LRP5: variants seen among roughly 807,000 people sequenced by gnomAD.
LRP5 encodes LDL receptor related protein 5.
Under a neutral mutation model 154.1 loss-of-function variants are expected in LRP5, and 62 were observed. That is an observed-to-expected ratio of 0.40 (90% confidence interval 0.33 to 0.50). The LOEUF (loss-of-function observed/expected upper bound fraction) is 0.50. Among genes scored for constraint, LRP5 ranks in the 20% least tolerant of loss-of-function variants. The pLI is 0.55. For synonymous variants in LRP5, 966 were observed against 1,011.5 expected (o/e 0.96, Z 0.85); for missense variants, 1,915 against 2,336.7 (o/e 0.82, Z 3.72).
chr11:68,361,753 T>C (rs1293556309), intron 3 of LRP5, among the ~76,000 whole-genome samples: 1 of 150,840 alleles, frequency 6.6e-6, no homozygotes, highest in Non-Finnish European at 1.5e-5. Flanking sequence ...GCTTAGGAGA[T>C]TGAGGCTGCA....
chr11:68,316,034 CAAGTTAT>C (rs549973250), intron 1 of LRP5, among the ~76,000 whole-genome samples: 131 of 151,958 alleles, frequency 8.6e-4, no homozygotes, highest in African/African-American at 3.1e-3. Context: ...TCTCTTCTAT[CAAGTTAT>C]AAGAGATTTC....
intron 1 of LRP5, among the ~76,000 whole-genome samples, chr11:68,347,131 C>T (rs909886566): frequency 6.6e-6 from 1 of 152,166 alleles, no homozygotes; most frequent in Non-Finnish European, 1.5e-5. Context: ...CCTTGGAGGC[C>T]AGGCTAGGGG....
intron 17 of LRP5, 44 bp downstream of exon 17, chr11:68,429,744 C>G: frequency 6.2e-7 from 1 of 1,612,942 alleles, no homozygotes; most frequent in Non-Finnish European, 8.5e-7. Flanking sequence ...GGACAGGTAC[C>G]TGATTCTCTG....
At chr11:68,298,853 A>T in the LRP5 span, among the ~76,000 whole-genome samples, 1 of 151,992 alleles carries the variant, frequency 6.6e-6, no homozygotes, top group African/African-American at 2.4e-5. Context: ...ACCTTTGATG[A>T]CTTCCTTTCC....
chr11:68,309,449 G>A, upstream of LRP5, among the ~76,000 whole-genome samples: 1 of 151,520 alleles, frequency 6.6e-6, no homozygotes, highest in Admixed American at 6.6e-5. Context: ...TGCCTAGGCT[G>A]GTCTTGAACT....
Position 68,312,741 on chromosome 11 carries a change from G to A in LRP5, c.27G>A (p.Pro9=), listed in dbSNP as rs995067401. 7 of 1,063,746 alleles carry A rather than the reference G, an allele frequency of 6.6e-6. No homozygotes were observed. The African/African-American group carries it at 7.1e-5, about 11-fold the overall frequency. The allele number at this position is 1,063,746 out of a possible 1,614,324, so 65.9% of individuals were successfully genotyped here. Reference sequence around the variant, plus strand: ...TGGAGGCAGCGCCGCCCGGGCCGCCGTGGCCGCTGCTGCTGCTGCTGCTGC... The same window carrying A: ...TGGAGGCAGCGCCGCCCGGGCCGCCATGGCCGCTGCTGCTGCTGCTGCTGC... MEAAPPGP[P]WPLLLLLLLL... Residue 9 remains proline (P), a synonymous_variant, in exon 1 of 23, where the codon CCG becomes CCA. Coordinates refer to ENST00000294304, the MANE Select transcript of LRP5 (RefSeq NM_002335.4).
chr11:68,402,916 G>C (rs1226055592), intron 7 of LRP5, among the ~76,000 whole-genome samples: 1 of 152,194 alleles, frequency 6.6e-6, no homozygotes, highest in Non-Finnish European at 1.5e-5. Context: ...AGCTGGCCCT[G>C]TCACTGCTCT....
At position 68,386,554 on chromosome 11, in the gene LRP5, C is replaced by T. The variant is rs769705901; in HGVS notation, c.1254C>T (p.Pro418=). 9.3e-6 allele frequency: 15 copies of T among 1,613,932 alleles called. No individual in the cohort carries two copies. Among genetic ancestry groups the T allele is most frequent in the Admixed American group, 5.0e-5 (3 of 60,022 alleles). ...TGGTCAACACCGAGATCAACGACCC[C>T]GATGGCATCGCGGTCGACTGGGTGG... ...QTLVNTEIND[P]DGIAVDWVAR... The change falls in exon 6 of 23, where the codon CCC becomes CCT. Residue 418 remains proline (P), a synonymous_variant. Transcript: ENST00000294304. This position sits in a 1 kb window ranked among gnomAD's most constrained non-coding sequence, Gnocchi z 7.9.
chr11:68,440,745 T>A (rs777404234), intron 21 of LRP5, among the ~76,000 whole-genome samples: 1 of 152,090 alleles, frequency 6.6e-6, no homozygotes, highest in Non-Finnish European at 1.5e-5. Flanking sequence ...CCCTCACATC[T>A]GGGGTCTTGT....
rs377258285 is a variant in LRP5 at position 68,425,202 on chromosome 11, C to T, written c.3337C>T (p.Arg1113Cys). ...GGTCCTCTTCACCACCGGCCTCATCCGCCCTGTGGCCCTGGTGGTGGACAA... is the reference window on the plus strand; with the variant it reads ...GGTCCTCTTCACCACCGGCCTCATCTGCCCTGTGGCCCTGGTGGTGGACAA... The part of the protein sequence containing the change: ...REVLFTTGLI[R>C]PVALVVDNTL... Residue 1113 changes from arginine (R) to cysteine (C), a missense_variant, in exon 15 of 23, where the codon CGC becomes TGC. Around this residue, in one of 3 missense-constraint regions of LRP5, gnomAD observed 1,094 missense variants for 1,210.1 expected, o/e 0.90. Coordinates refer to ENST00000294304, the MANE Select transcript of LRP5 (RefSeq NM_002335.4). The T allele has an allele frequency of 9.1e-5, 147 of 1,613,458 alleles. No homozygotes were observed. The highest frequency in any genetic ancestry group is 1.1e-4 in the East Asian group (5 of 44,894).
chr11:68,422,804 G>A (rs1378601131), intron 13 of LRP5, among the ~76,000 whole-genome samples: 7 of 115,664 alleles, frequency 6.1e-5, no homozygotes, highest in African/African-American at 1.3e-4. Flanking sequence ...CCCTTTACCC[G>A]CACCTTCCCT....
chr11:68,341,643 G>C (rs746752834), intron 1 of LRP5, among the ~76,000 whole-genome samples: 1 of 152,014 alleles, frequency 6.6e-6, no homozygotes, highest in African/African-American at 2.4e-5. Flanking sequence ...ACCAGCACCC[G>C]CCATGCTACC....
At chr11:68,299,371 T>C in the LRP5 span, among the ~76,000 whole-genome samples, 2 of 152,114 alleles carry the variant, frequency 1.3e-5, no homozygotes, top group African/African-American at 4.8e-5. Flanking sequence ...CCCAGCGTGC[T>C]GAAGGCTGCA....
intron 5 of LRP5, among the ~76,000 whole-genome samples, chr11:68,379,919 G>A (rs150981674): frequency 0.022 from 3,314 of 152,254 alleles, 124 homozygotes; most frequent in African/African-American, 0.076. Context: ...ATCACCTGAG[G>A]TCAGGAGTTC....
At chr11:68,374,179 C>T (rs1284216771) in intron 5 of LRP5, among the ~76,000 whole-genome samples, 1 of 152,214 alleles carries the variant, frequency 6.6e-6, no homozygotes, top group Admixed American at 6.5e-5. Flanking sequence ...GTCTGACGGG[C>T]AGACTGACAG....
At chr11:68,377,160 T>C (rs1372976911) in intron 5 of LRP5, among the ~76,000 whole-genome samples, 1 of 151,590 alleles carries the variant, frequency 6.6e-6, no homozygotes, top group African/African-American at 2.4e-5. Flanking sequence ...TGGTGGGGCA[T>C]GGGGGCAGAG....
At chr11:68,395,860 C>G (rs2098649042) in intron 7 of LRP5, among the ~76,000 whole-genome samples, 2 of 152,156 alleles carry the variant, frequency 1.3e-5, no homozygotes, top group African/African-American at 4.8e-5. Context: ...CAAGTGGCCA[C>G]CGCTCTTGGG....
intron 5 of LRP5, among the ~76,000 whole-genome samples, chr11:68,369,274 G>A (rs1490163023): frequency 2.0e-5 from 3 of 152,178 alleles, no homozygotes; most frequent in Admixed American, 1.3e-4. Flanking sequence ...GAGCTGGCTT[G>A]GGGCCTGGCC....
chr11:68,437,311 C>G (rs934534097), intron 19 of LRP5, among the ~76,000 whole-genome samples: 1 of 152,232 alleles, frequency 6.6e-6, no homozygotes, highest in Non-Finnish European at 1.5e-5. Flanking sequence ...CAAGATTACC[C>G]GAGGGCTGCA....
Sources: gnomAD v4.1 joint callset for allele counts (sites outside exome capture counted in the v4.1 genomes callset) on GRCh38, gnomAD v4.1.1 for gene constraint, gnomAD v4.1.1 regional missense constraint, Gnocchi (gnomAD v3.1) non-coding constraint, MANE v1.5 for transcripts, NCBI Gene and HGNC (gene_info 2026-07-23, HGNC 2026-07-21) for gene names.